The following SEL1L3 variants were observed in gnomAD, a reference collection of about 807,000 sequenced individuals.
The protein encoded by SEL1L3 is protein sel-1 homolog 3.
SEL1L3 carries 76 observed loss-of-function variants against 142.8 expected under a neutral mutation model. The ratio of observed to expected loss-of-function variants is 0.53; its 90% CI spans 0.44 to 0.64. The LOEUF is 0.64. Among genes scored for constraint, SEL1L3 ranks in the 30% least tolerant of loss-of-function variants. The pLI is 0.00. For missense variants in SEL1L3, 1,262 were observed against 1,381.7 expected, an observed-to-expected ratio of 0.91 and a Z score of 1.37; for synonymous variants, 504 against 519.6, an observed-to-expected ratio of 0.97 and a Z score of 0.41.
At chr4:25,736,591 C>T in the SEL1L3 span, among the ~76,000 whole-genome samples, 9 of 152,026 alleles carry the variant, frequency 5.9e-5, no homozygotes, top group East Asian at 1.9e-4. Context: ...TCTTGGTGAG[C>T]GTTCCATGTA....
At position 25,775,137 on chromosome 4, in the gene SEL1L3, A is replaced by G. The variant is rs371513629; in HGVS notation, c.2669+1140T>C. Among the ~76,000 whole-genome samples, 26 of 152,376 alleles carry G rather than the reference A, an allele frequency of 1.7e-4. No individual in the cohort carries two copies. The South Asian group carries it at 5.4e-3, about 32-fold the overall frequency. On this transcript the variant is annotated intron_variant, in intron 17 of 23. Transcript: ENST00000399878. ...TGAACTGAAGTTCACTTGAGAAACA[A>G]GATAAAGCATCACAAAAATTGTAAG... is the stretch of plus-strand genomic sequence containing the variant.
At chr4:25,746,998 C>T (rs1198356688), downstream of SEL1L3, among the ~76,000 whole-genome samples, 1 of 152,116 alleles carries the variant, frequency 6.6e-6, no homozygotes, top group Non-Finnish European at 1.5e-5. Context: ...GTTAATCACT[C>T]ACCTAAGATT....
intron 23 of SEL1L3, among the ~76,000 whole-genome samples, chr4:25,748,867 T>A (rs4697609): frequency 6.6e-6 from 1 of 152,000 alleles, no homozygotes; most frequent in Non-Finnish European, 1.5e-5. Flanking sequence ...TTTCTGGATA[T>A]ATGCGGGAAT....
intron 11 of SEL1L3, among the ~76,000 whole-genome samples, chr4:25,792,067 A>G (rs1191511007): frequency 6.6e-6 from 1 of 152,156 alleles, no homozygotes; most frequent in Non-Finnish European, 1.5e-5. Flanking sequence ...GCTAGGCTCA[A>G]AACCCAGCCA....
intron 8 of SEL1L3, among the ~76,000 whole-genome samples, chr4:25,819,484 T>C (rs1209099758): frequency 6.6e-6 from 1 of 152,270 alleles, no homozygotes; most frequent in Non-Finnish European, 1.5e-5. Context: ...ATTTTTATTT[T>C]CTTAGGCTGG....
At chr4:25,784,441 A>G (rs1448500794) in intron 13 of SEL1L3, among the ~76,000 whole-genome samples, 151 bp from the exon 14 acceptor site, 1 of 152,186 alleles carries the variant, frequency 6.6e-6, no homozygotes, top group Non-Finnish European at 1.5e-5. Flanking sequence ...AGGTAGTGCT[A>G]TTTCATTATC....
intron 16 of SEL1L3, among the ~76,000 whole-genome samples, chr4:25,776,872 TAAGAA>T (rs1719668205): frequency 6.7e-6 from 1 of 149,730 alleles, no homozygotes; most frequent in African/African-American, 2.5e-5. Flanking sequence ...AAAGGAAGGG[TAAGAA>T]AAGAGATTAA....
chr4:25,725,066 A>G, the SEL1L3 span, among the ~76,000 whole-genome samples: 4 of 152,096 alleles, frequency 2.6e-5, no homozygotes, highest in African/African-American at 4.8e-5. Context: ...TGGGAGGTGG[A>G]GTATTCTCCG....
At position 25,847,727 on chromosome 4, in the gene SEL1L3, C is replaced by T. The variant is rs533184567; in HGVS notation, c.300G>A (p.Ser100=). 2.1e-5 allele frequency: 34 copies of T among 1,613,810 alleles called. No homozygotes were observed. The highest frequency in any genetic ancestry group is 5.0e-5 in the Admixed American group (3 of 59,996). The stretch of plus-strand genomic sequence containing the variant: ...AAGGCTGAGAGCATAAATACTCAAC[C>T]GAGACTTCAGAAACGTTGCGAACGT... ...EGNVRNVSEV[S]VEYLCSQPCV... is the part of the protein sequence containing the mutation. Residue 100 remains serine (S), a synonymous_variant, in exon 2 of 24, where the codon TCG becomes TCA. Transcript: ENST00000399878.
At position 25,758,989 on chromosome 4, in the gene SEL1L3, G is replaced by A; in HGVS notation, c.3035C>T (p.Ser1012Leu). Residue 1012 changes from serine (S) to leucine (L), a missense_variant, in exon 21 of 24, where the codon TCA becomes TTA. This residue lies in a region of SEL1L3 where 435 missense variants were observed against 559.2 expected (regional missense o/e 0.78). Transcript: ENST00000399878. ...GGAGATGTTATTAGAATGGAGAGTT[G>A]AGTCAATTTCCAAGAAATCCAAGAT... ...HHILDFLEID[S>L]TLHSNNISIL... 1.2e-6 allele frequency: 2 copies of A among 1,613,690 alleles called. No homozygotes were observed. The highest frequency in any genetic ancestry group is 1.1e-5 in the South Asian group (1 of 91,074).
At chr4:25,763,801 G>A (rs1718541760) in intron 20 of SEL1L3, among the ~76,000 whole-genome samples, 1 of 152,136 alleles carries the variant, frequency 6.6e-6, no homozygotes, top group African/African-American at 2.4e-5. Context: ...GTGTGCCACT[G>A]CATTTCAGCC....
At chr4:25,736,435 G>A in the SEL1L3 span, among the ~76,000 whole-genome samples, 30 of 151,456 alleles carry the variant, frequency 2.0e-4, no homozygotes, top group African/African-American at 7.3e-4. Flanking sequence ...TGTTGGCCAC[G>A]CTGGTCTCGA....
chr4:25,768,564 A>T (rs1053979384), intron 17 of SEL1L3, among the ~76,000 whole-genome samples: 2 of 152,246 alleles, frequency 1.3e-5, no homozygotes, highest in African/African-American at 4.8e-5. Context: ...GTGGCCCTAC[A>T]GTTCTCCCTT....
chr4:25,860,732 C>T (rs1350982223), intron 1 of SEL1L3: 1 of 152,336 alleles, frequency 6.6e-6, no homozygotes, highest in Non-Finnish European at 1.5e-5. Context: ...CATTTCCCCC[C>T]ACCATGAGGT....
chr4:25,842,532 C>A (rs1716236220), intron 2 of SEL1L3, among the ~76,000 whole-genome samples: 1 of 152,204 alleles, frequency 6.6e-6, no homozygotes, highest in Non-Finnish European at 1.5e-5. Context: ...ACAGGAGGAG[C>A]CTGCAGCCTT....
chr4:25,851,452 A>G (rs1320483324), intron 1 of SEL1L3, among the ~76,000 whole-genome samples: 1 of 152,198 alleles, frequency 6.6e-6, no homozygotes, highest in Non-Finnish European at 1.5e-5. Flanking sequence ...GAATACACAT[A>G]TCACTGGTTG....
chr4:25,751,218 T>C (rs1349715271), intron 23 of SEL1L3, among the ~76,000 whole-genome samples: 1 of 152,162 alleles, frequency 6.6e-6, no homozygotes, highest in East Asian at 1.9e-4. Context: ...GCAATTATGC[T>C]TGGTGTACCC....
At chr4:25,782,550 G>C (rs1042152852) in intron 14 of SEL1L3, 132 bp from the exon 15 acceptor site, 1 of 781,576 alleles carries the variant, frequency 1.3e-6, no homozygotes, top group African/African-American at 1.8e-5. Flanking sequence ...GGAGCAGATG[G>C]CATTAAAGAA....
At chr4:25,725,178 G>T in the SEL1L3 span, among the ~76,000 whole-genome samples, 1 of 152,110 alleles carries the variant, frequency 6.6e-6, no homozygotes, top group Non-Finnish European at 1.5e-5. Flanking sequence ...CCTAAGACAG[G>T]GTTCTTGGAT....
Sources: allele counts gnomAD v4.1 joint callset (sites outside exome capture counted in the v4.1 genomes callset), GRCh38; gene constraint gnomAD v4.1.1; regional missense constraint gnomAD v4.1.1; transcripts MANE v1.5; gene names NCBI Gene and HGNC (gene_info 2026-07-23, HGNC 2026-07-21).